Variants in CBLB observed in about 807,000 individuals in gnomAD.
CBLB encodes E3 ubiquitin-protein ligase CBL-B.
In CBLB, 31 loss-of-function variants were observed where a neutral mutation model predicts 104.9. The observed-to-expected ratio is 0.30, with a 90% CI of 0.22 to 0.40. CBLB has a LOEUF of 0.40. CBLB is among the 10% of genes least tolerant of loss of function. CBLB has a pLI of 1.00. For synonymous variants in CBLB, 440 were observed against 422.6 expected, an observed-to-expected ratio of 1.04 and a Z score of -0.51; for missense variants, 1,062 against 1,214.6, an observed-to-expected ratio of 0.87 and a Z score of 1.87.
chr3:105,659,120 A>G lies in CBLB; in HGVS notation c.2799T>C (p.Asp933=), dbSNP rs781061651. 5.6e-6 allele frequency: 9 copies of G among 1,613,996 alleles called. No individual in the cohort carries two copies. The highest frequency in any genetic ancestry group is 2.2e-5 in the East Asian group (1 of 44,864). The change falls in exon 19 of 19, where the codon GAT becomes GAC. Residue 933 remains aspartate (D), a synonymous_variant. Transcript: ENST00000394030. ...CTCCCATGAGTTTTGCAATTTTTGC[A>G]TCGACATTTTCCAATGCCGCCTCAG... The part of the protein sequence containing the change: ...HGPEAALENV[D]AKIAKLMGEG...
chr3:105,774,089 G>A (rs1446216673), intron 4 of CBLB, among the ~76,000 whole-genome samples: 1 of 152,186 alleles, frequency 6.6e-6, no homozygotes, highest in Non-Finnish European at 1.5e-5. Context: ...AGATCTTGAG[G>A]GCGCTGCCCT....
At chr3:105,665,373 G>A (rs531007129) in intron 18 of CBLB, among the ~76,000 whole-genome samples, 24 of 148,150 alleles carry the variant, frequency 1.6e-4, no homozygotes, top group East Asian at 7.8e-4. Context: ...GTGACAGAGC[G>A]AGACTCTGTC....
intron 18 of CBLB, among the ~76,000 whole-genome samples, chr3:105,669,648 G>A (rs543559304): frequency 2.6e-5 from 4 of 152,222 alleles, no homozygotes; most frequent in African/African-American, 9.6e-5. Context: ...CGGGTGCTAT[G>A]AAGAAAAATA....
chr3:105,708,839 G>T, intron 10 of CBLB, among the ~76,000 whole-genome samples: 1 of 152,028 alleles, frequency 6.6e-6, no homozygotes, highest in Admixed American at 6.6e-5. Context: ...AAATGCTGAT[G>T]TAAAATATTT....
At chr3:105,835,051 A>G (rs940715170) in intron 3 of CBLB, among the ~76,000 whole-genome samples, 2 of 152,194 alleles carry the variant, frequency 1.3e-5, no homozygotes, top group Non-Finnish European at 2.9e-5. Context: ...TCCATGAACT[A>G]TTAGCATCAG....
At chr3:105,711,916 C>G (rs1164346149) in intron 10 of CBLB, among the ~76,000 whole-genome samples, 1 of 152,072 alleles carries the variant, frequency 6.6e-6, no homozygotes, top group Non-Finnish European at 1.5e-5. Context: ...CGGAGGAAAA[C>G]AGAAACCTAT....
chr3:105,726,218 T>G (rs528251678), intron 9 of CBLB, among the ~76,000 whole-genome samples: 4 of 152,226 alleles, frequency 2.6e-5, no homozygotes, highest in Non-Finnish European at 5.9e-5. Flanking sequence ...GACAACTATA[T>G]ACATTTTCCC....
At chr3:105,702,800 ATC>A (rs891567304) in intron 11 of CBLB, among the ~76,000 whole-genome samples, 4 of 152,196 alleles carry the variant, frequency 2.6e-5, no homozygotes, top group Non-Finnish European at 4.4e-5. Flanking sequence ...TTATTTGCAC[ATC>A]TCTATGATTT....
intron 3 of CBLB, among the ~76,000 whole-genome samples, chr3:105,847,391 A>G (rs1024994735): frequency 9.8e-6 from 1 of 102,178 alleles, no homozygotes; most frequent in African/African-American, 3.9e-5. Context: ...GTAACCCTCC[A>G]CCACACACAC....
chr3:105,838,388 G>T (rs534225034), intron 3 of CBLB, among the ~76,000 whole-genome samples: 1 of 149,856 alleles, frequency 6.7e-6, no homozygotes, highest in African/African-American at 2.5e-5. Context: ...TAAATGCTAT[G>T]GTCAGAAGGA....
chr3:105,853,080 A>G (rs970768300), intron 3 of CBLB, among the ~76,000 whole-genome samples: 1 of 152,156 alleles, frequency 6.6e-6, no homozygotes, highest in Non-Finnish European at 1.5e-5. Flanking sequence ...ACACATACTT[A>G]CCATTGTGTT....
Position 105,678,683 on chromosome 3 carries a change from C to G in CBLB, c.2429-112G>C, listed in dbSNP as rs765957245. On this transcript the variant is annotated intron_variant, in intron 16 of 18. Coordinates refer to ENST00000394030, the MANE Select transcript of CBLB (RefSeq NM_170662.5). Reference sequence around the variant, plus strand: ...CTTGCTGCTTATAAAGAATTTCACTCGCAGGGTTTATCCAGCAGTTCACCA... The same window carrying G: ...CTTGCTGCTTATAAAGAATTTCACTGGCAGGGTTTATCCAGCAGTTCACCA... 4.0e-5 allele frequency: 49 copies of G among 1,235,754 alleles called. No homozygotes were observed. In the Admixed American group the frequency reaches 9.5e-4, roughly 24 times the overall value. 76.5% of individuals were successfully genotyped at this position (1,235,754 alleles called of 1,614,324 possible). A position where few individuals can be genotyped will look rare whatever the true frequency, so the allele number is the denominator to read the frequency against.
At chr3:105,660,851 G>C (rs1169241667) in intron 18 of CBLB, among the ~76,000 whole-genome samples, 1 of 151,958 alleles carries the variant, frequency 6.6e-6, no homozygotes, top group Non-Finnish European at 1.5e-5. Flanking sequence ...CCAGGAGAAG[G>C]TAACTTGTAA....
intron 2 of CBLB, among the ~76,000 whole-genome samples, chr3:105,854,727 G>A (rs923172768): frequency 9.2e-5 from 14 of 151,968 alleles, no homozygotes; most frequent in Non-Finnish European, 1.9e-4. Context: ...CTGCCTCCCG[G>A]GTTCAAGTGA....
intron 10 of CBLB, among the ~76,000 whole-genome samples, chr3:105,716,066 A>G (rs527471151): frequency 1.3e-5 from 2 of 152,344 alleles, no homozygotes; most frequent in East Asian, 1.9e-4. Flanking sequence ...TAATTAAAAA[A>G]TAAATGAATA....
At chr3:105,772,013 A>G (rs918452843) in intron 4 of CBLB, among the ~76,000 whole-genome samples, 15 of 152,180 alleles carry the variant, frequency 9.9e-5, no homozygotes, top group Non-Finnish European at 1.2e-4. Flanking sequence ...TCACAGAACT[A>G]GAAAAAACAA....
intron 1 of CBLB, chr3:105,868,304 C>T (rs1339439857): frequency 1.0e-6 from 1 of 977,440 alleles, no homozygotes; most frequent in Admixed American, 4.3e-5. Context: ...TTCTCTGGCT[C>T]CTCGCCTCTG....
chr3:105,865,382 G>A lies in CBLB; in HGVS notation c.168+2028C>T, dbSNP rs1302363776. Among the ~76,000 whole-genome samples the A allele has an allele frequency of 2.0e-5, 3 of 152,002 alleles. No individual in the cohort carries two copies. The East Asian group carries it at 5.8e-4, about 29-fold the overall frequency. On this transcript the variant is annotated intron_variant, in intron 2 of 18. Transcript: ENST00000394030. ...AATGAACACAACCATTTTCATCTTTGACAAATAATGAAGACAAACAGGCAA... is the reference window on the plus strand; with the variant it reads ...AATGAACACAACCATTTTCATCTTTAACAAATAATGAAGACAAACAGGCAA...
intron 10 of CBLB, among the ~76,000 whole-genome samples, chr3:105,707,718 G>GA (rs892344819): frequency 3.4e-4 from 52 of 151,754 alleles, no homozygotes; most frequent in African/African-American, 1.2e-3. Context: ...AAAGTCTACG[G>GA]AAAAAAAGGA....
Sources: gnomAD v4.1 joint callset for allele counts (sites outside exome capture counted in the v4.1 genomes callset) on GRCh38, gnomAD v4.1.1 for gene constraint, MANE v1.5 for transcripts, NCBI Gene and HGNC (gene_info 2026-07-23, HGNC 2026-07-21) for gene names.